The following ARHGAP6 variants were observed in gnomAD, a reference collection of about 807,000 sequenced individuals.
ARHGAP6 encodes the protein Rho GTPase activating protein 6.
ARHGAP6 carries 16 observed loss-of-function variants against 55.7 expected under a neutral mutation model. The ratio of observed to expected loss-of-function variants is 0.29; its 90% CI spans 0.19 to 0.44. The LOEUF (loss-of-function observed/expected upper bound fraction) is 0.44, where lower values mean the gene tolerates loss of function less well. Ranked by LOEUF, ARHGAP6 falls within the 20% of genes least tolerant of loss-of-function variation. The probability of loss-of-function intolerance (pLI) is 1.00; values close to 1 mark genes in which losing one functional copy is unlikely to be tolerated. For missense variants in ARHGAP6, 698 were observed against 808.9 expected (o/e 0.86, Z 1.66); for synonymous variants, 382 against 360.9 (o/e 1.06, Z -0.66).
At chrX:11,510,306 A>T (rs774588497) in intron 1 of ARHGAP6, among the ~76,000 whole-genome samples, 1 of 111,633 alleles carries the variant, frequency 9.0e-6, no homozygotes, top group Admixed American at 9.5e-5. Flanking sequence ...AGGGAAGGTG[A>T]GTGTGATAGG....
intron 1 of ARHGAP6, among the ~76,000 whole-genome samples, chrX:11,446,262 C>A (rs768315875): frequency 8.1e-5 from 9 of 111,463 alleles, no homozygotes; most frequent in Non-Finnish European, 1.7e-4. Flanking sequence ...GTGAGAAAGG[C>A]AGATCATGAC....
chrX:11,664,653 C>T lies in ARHGAP6; in HGVS notation c.176G>A (p.Gly59Glu), dbSNP rs769616573. 1.6e-5 allele frequency: 18 copies of T among 1,160,334 alleles called. No individual in the cohort carries two copies. The highest frequency in any genetic ancestry group is 2.1e-5 in the Non-Finnish European group (18 of 870,583). ...GGAGTAGAGGCGGCCCGCCGTGGCT[C>T]CCCGCGCACTGCCCTCCGCGCCCGC... ...DEAGAEGSAR[G>E]ATAGRLYSPS... Residue 59 changes from glycine (G) to glutamate (E), a missense_variant, in exon 1 of 13, where the codon GGA becomes GAA. Physicochemically the swap from Gly to Glu is moderately conservative, Grantham distance 98. Around this residue, in one of 3 missense-constraint regions of ARHGAP6, gnomAD observed 164 missense variants for 149.2 expected, o/e 1.10. Transcript: ENST00000337414.
intron 1 of ARHGAP6, among the ~76,000 whole-genome samples, chrX:11,658,762 G>T (rs748692838): frequency 1.9e-5 from 2 of 106,296 alleles, no homozygotes; most frequent in Non-Finnish European, 3.9e-5. Flanking sequence ...GAGAGAAAAT[G>T]GTACTGAAAA....
At chrX:11,511,834 A>ATT (rs932877845) in intron 1 of ARHGAP6, among the ~76,000 whole-genome samples, 32 of 107,899 alleles carry the variant, frequency 3.0e-4, no homozygotes, top group African/African-American at 1.1e-3. Flanking sequence ...CAAAATTATG[A>ATT]TTTTTTTTTT....
intron 1 of ARHGAP6, among the ~76,000 whole-genome samples, chrX:11,602,845 T>G (rs921248627): frequency 2.7e-5 from 3 of 112,365 alleles, no homozygotes; most frequent in African/African-American, 9.7e-5. Flanking sequence ...ATCAGGGCAC[T>G]TACATGCAAG....
In ARHGAP6 at chrX:11,524,448, C is replaced by T. The variant is rs188122373; in HGVS notation, c.588+139793G>A. ...ATCCTCTCACAGAGCAGAGCTGGGT[C>T]TACCTGCCCACTCCCACAACCCCAC... On this transcript the variant is annotated intron_variant, in intron 1 of 12. Coordinates refer to ENST00000337414, the MANE Select transcript of ARHGAP6 (RefSeq NM_013427.3). Among the ~76,000 whole-genome samples the T allele has an allele frequency of 2.4e-4, 27 of 112,202 alleles. No individual in the cohort carries two copies. The Middle Eastern group carries it at 0.014, about 57-fold the overall frequency.
intron 1 of ARHGAP6, among the ~76,000 whole-genome samples, chrX:11,569,617 T>C (rs1394194593): frequency 1.8e-5 from 2 of 112,011 alleles, no homozygotes; most frequent in Non-Finnish European, 3.8e-5. Context: ...CTACAGAAAT[T>C]GGGATGGGTG....
chrX:11,298,814 C>A, intron 1 of ARHGAP6: 1 of 1,211,113 alleles, frequency 8.3e-7, no homozygotes, highest in East Asian at 3.0e-5. Context: ...CACAGCCTCA[C>A]CAGCCCATGC....
chrX:11,334,129 T>C (rs1212969229), intron 1 of ARHGAP6: 2 of 109,863 alleles, frequency 1.8e-5, no homozygotes, highest in African/African-American at 6.7e-5. Flanking sequence ...AAAAAAAAGA[T>C]CTACTCACCA....
intron 1 of ARHGAP6, among the ~76,000 whole-genome samples, chrX:11,277,040 T>G (rs1482364364): frequency 3.6e-5 from 4 of 110,267 alleles, no homozygotes; most frequent in Non-Finnish European, 7.6e-5. Flanking sequence ...CCCATTCCCC[T>G]CTCACCCCAG....
intron 1 of ARHGAP6, among the ~76,000 whole-genome samples, chrX:11,510,071 G>T (rs1423297087): frequency 8.9e-6 from 1 of 112,077 alleles, no homozygotes; most frequent in Non-Finnish European, 1.9e-5. Flanking sequence ...ATCAGATTAA[G>T]CTGTGGAATG....
At chrX:11,393,503 G>A (rs1411585972) in intron 1 of ARHGAP6, among the ~76,000 whole-genome samples, 1 of 111,786 alleles carries the variant, frequency 8.9e-6, no homozygotes, top group South Asian at 3.7e-4. Flanking sequence ...ATTATATGAT[G>A]TGTTCTATTC....
chrX:11,322,190 T>A (rs1402759011), intron 1 of ARHGAP6, among the ~76,000 whole-genome samples: 1 of 111,681 alleles, frequency 9.0e-6, no homozygotes, highest in Non-Finnish European at 1.9e-5. Context: ...TTGGGCGAGA[T>A]CACTTGTTTT....
intron 1 of ARHGAP6, among the ~76,000 whole-genome samples, chrX:11,452,101 T>G (rs1354510827): frequency 8.9e-6 from 1 of 112,436 alleles, no homozygotes. Context: ...GAATATCTAT[T>G]AGATGTCTAT....
At chrX:11,476,776 A>G (rs890135257) in intron 1 of ARHGAP6, among the ~76,000 whole-genome samples, 10 of 111,575 alleles carry the variant, frequency 9.0e-5, no homozygotes, top group Non-Finnish European at 1.5e-4. Flanking sequence ...GTTTTCTTAA[A>G]AAATTAAACT....
chrX:11,576,788 T>C (rs769855160), intron 1 of ARHGAP6, among the ~76,000 whole-genome samples: 4 of 109,103 alleles, frequency 3.7e-5, no homozygotes, highest in African/African-American at 1.3e-4. Context: ...CTTTCAGTTC[T>C]GGAGGTCAGA....
At chrX:11,559,787 G>T (rs1281184598) in intron 1 of ARHGAP6, among the ~76,000 whole-genome samples, 1 of 109,100 alleles carries the variant, frequency 9.2e-6, no homozygotes, top group Admixed American at 9.8e-5. Flanking sequence ...AAGTAGCCAG[G>T]CATGGTGGTG....
In ARHGAP6 at chrX:11,368,151, G is replaced by A. The variant is rs1325937847; in HGVS notation, c.589-113444C>T. ...TTCCTATGTAGCACAGATTGCCGTG[G>A]GTCTTGCATGAGGACTAATTGTTAA... On this transcript the variant is annotated intron_variant, in intron 1 of 12. Coordinates refer to ENST00000337414, the MANE Select transcript of ARHGAP6 (RefSeq NM_013427.3). Among the ~76,000 whole-genome samples, 5 of 112,175 alleles carry A rather than the reference G, an allele frequency of 4.5e-5. No homozygotes were observed. In the East Asian group the frequency reaches 1.4e-3, roughly 31 times the overall value.
chrX:11,306,684 C>T (rs1056099883), intron 1 of ARHGAP6, among the ~76,000 whole-genome samples: 1 of 112,231 alleles, frequency 8.9e-6, no homozygotes, highest in Non-Finnish European at 1.9e-5. Flanking sequence ...TAAACTAATT[C>T]GTCATCCGCC....
Sources: gnomAD v4.1 joint callset for allele counts (sites outside exome capture counted in the v4.1 genomes callset) on GRCh38, gnomAD v4.1.1 for gene constraint, gnomAD v4.1.1 regional missense constraint, MANE v1.5 for transcripts, NCBI Gene and HGNC (gene_info 2026-07-23, HGNC 2026-07-21) for gene names.